Variants in STARD13 observed in about 807,000 individuals in gnomAD.
STARD13 encodes StAR related lipid transfer domain containing 13.
STARD13 carries 62 observed loss-of-function variants against 106.4 expected under a neutral mutation model. The ratio of observed to expected loss-of-function variants is 0.58; its 90% CI spans 0.48 to 0.72. The LOEUF (loss-of-function observed/expected upper bound fraction) is 0.72. STARD13 is among the 30% of genes least tolerant of loss of function. The pLI, the probability that STARD13 is intolerant of heterozygous loss-of-function variation, is 0.00. For synonymous variants in STARD13, 565 were observed against 553.0 expected (o/e 1.02, Z -0.31); for missense variants, 1,387 against 1,424.0 (o/e 0.97, Z 0.42).
chr13:33,583,610 C>T, the STARD13 span, among the ~76,000 whole-genome samples: 3 of 152,160 alleles, frequency 2.0e-5, no homozygotes, highest in African/African-American at 4.8e-5. Flanking sequence ...GGTCCACTTC[C>T]TTATTTCCAT....
intron 3 of STARD13, among the ~76,000 whole-genome samples, chr13:33,160,739 G>A (rs1256570493): frequency 6.6e-6 from 1 of 152,132 alleles, no homozygotes; most frequent in East Asian, 1.9e-4. Flanking sequence ...CTATTAAAAT[G>A]TCTAAAAGCA....
At chr13:33,343,319 C>G (rs1274648488) in intron 1 of STARD13, among the ~76,000 whole-genome samples, 1 of 150,880 alleles carries the variant, frequency 6.6e-6, no homozygotes, top group East Asian at 1.9e-4. Context: ...TCATGCCTAT[C>G]ATCCCAGCAC....
intron 13 of STARD13, among the ~76,000 whole-genome samples, chr13:33,106,303 C>T (rs1379041936): frequency 6.6e-6 from 1 of 152,164 alleles, no homozygotes; most frequent in African/African-American, 2.4e-5. Flanking sequence ...CAGCTGTAGT[C>T]CCAGCTACTG....
intron 8 of STARD13, chr13:33,113,225 CAATCA>C: frequency 2.2e-6 from 1 of 453,750 alleles, no homozygotes; most frequent in Non-Finnish European, 4.0e-6. Flanking sequence ...GTATTCTGAG[CAATCA>C]ACCCACTCAC....
intron 3 of STARD13, among the ~76,000 whole-genome samples, chr13:33,154,792 T>G (rs1251716447): frequency 6.6e-6 from 1 of 152,178 alleles, no homozygotes; most frequent in East Asian, 1.9e-4. Flanking sequence ...TAGTGAGAAC[T>G]GGTCCAGCTT....
the STARD13 span, among the ~76,000 whole-genome samples, chr13:33,386,604 A>G: frequency 1.3e-5 from 2 of 152,258 alleles, no homozygotes; most frequent in Admixed American, 6.5e-5. Context: ...ACGTGTGCCC[A>G]CTGCCATTAG....
intron 1 of STARD13, among the ~76,000 whole-genome samples, chr13:33,210,888 C>T (rs2555610): frequency 0.25 from 37,474 of 151,964 alleles, 5,235 homozygotes; most frequent in Middle Eastern, 0.35. Flanking sequence ...TCGGCCATTT[C>T]AAGCCCTGTT....
At chr13:33,513,670 A>G in the STARD13 span, among the ~76,000 whole-genome samples, 1 of 152,122 alleles carries the variant, frequency 6.6e-6, no homozygotes, top group East Asian at 1.9e-4. Context: ...ATGCTCACAA[A>G]GTTTAGATTT....
intron 8 of STARD13, among the ~76,000 whole-genome samples, chr13:33,116,301 G>A (rs1389463633): frequency 6.6e-6 from 1 of 152,144 alleles, no homozygotes; most frequent in African/African-American, 2.4e-5. Context: ...CTTCCTCCAT[G>A]AAGCCCTCAT....
the STARD13 span, among the ~76,000 whole-genome samples, chr13:33,601,413 C>T: frequency 2.6e-5 from 4 of 152,002 alleles, no homozygotes; most frequent in Non-Finnish European, 4.4e-5. Flanking sequence ...TGTCAAACTG[C>T]GCTAGCCCTG....
intron 3 of STARD13, among the ~76,000 whole-genome samples, chr13:33,160,185 G>A (rs567402237): frequency 5.9e-5 from 9 of 152,226 alleles, no homozygotes; most frequent in Non-Finnish European, 1.2e-4. Flanking sequence ...CATGGTCAAA[G>A]GTAATTCAGT....
the STARD13 span, among the ~76,000 whole-genome samples, chr13:33,627,494 G>A: frequency 2.0e-5 from 3 of 152,020 alleles, no homozygotes; most frequent in African/African-American, 7.2e-5. Flanking sequence ...AAAATTGGCC[G>A]AGTGCGGTGG....
chr13:33,224,465 G>A (rs567326369), intron 1 of STARD13, among the ~76,000 whole-genome samples: 45 of 152,134 alleles, frequency 3.0e-4, no homozygotes, highest in Non-Finnish European at 5.4e-4. Flanking sequence ...TGGCAGTGAG[G>A]CTCAGCCCAT....
chr13:33,673,478 A>G, the STARD13 span, among the ~76,000 whole-genome samples: 19 of 151,916 alleles, frequency 1.3e-4, no homozygotes, highest in African/African-American at 4.1e-4. Flanking sequence ...ATTTTGCCAT[A>G]TTAGATAAGA....
At chr13:33,133,015 T>C (rs1428847028) in intron 4 of STARD13, among the ~76,000 whole-genome samples, 1 of 152,104 alleles carries the variant, frequency 6.6e-6, no homozygotes, top group Non-Finnish European at 1.5e-5. Flanking sequence ...AAGTTGATAT[T>C]AAATAAGGAC....
At chr13:33,543,512 CT>C in the STARD13 span, among the ~76,000 whole-genome samples, 2 of 142,866 alleles carry the variant, frequency 1.4e-5, no homozygotes, top group Non-Finnish European at 1.5e-5. Context: ...TCTTGGAGTA[CT>C]AACAGAGTTG....
At chr13:33,119,704 G>A (rs1195965476) in intron 7 of STARD13, among the ~76,000 whole-genome samples, 1 of 152,150 alleles carries the variant, frequency 6.6e-6, no homozygotes, top group Non-Finnish European at 1.5e-5. Flanking sequence ...GCATTCCAAG[G>A]TTTATCGCTC....
chr13:33,440,917 A>G, the STARD13 span, among the ~76,000 whole-genome samples: 1 of 151,296 alleles, frequency 6.6e-6, no homozygotes, highest in African/African-American at 2.4e-5. Flanking sequence ...TGACTGGCCA[A>G]GAACAAACTG....
At chr13:33,544,853 A>C in the STARD13 span, among the ~76,000 whole-genome samples, 1 of 145,606 alleles carries the variant, frequency 6.9e-6, no homozygotes, top group Non-Finnish European at 1.5e-5. Context: ...AGCTCACTGC[A>C]ATCTCTGCCT....
Sources: allele counts gnomAD v4.1 joint callset (sites outside exome capture counted in the v4.1 genomes callset), GRCh38; gene constraint gnomAD v4.1.1; transcripts MANE v1.5; gene names NCBI Gene and HGNC (gene_info 2026-07-23, HGNC 2026-07-21).